DACH2: variants seen among roughly 807,000 people sequenced by gnomAD.
DACH2 encodes dachshund homolog 2.
In DACH2, 17 loss-of-function variants were observed where a neutral mutation model predicts 35.8. The observed-to-expected ratio is 0.48, with a 90% CI of 0.33 to 0.71. DACH2 has a LOEUF of 0.71. Among genes scored for constraint, DACH2 ranks in the 30% least tolerant of loss-of-function variants. The pLI is 0.02. For synonymous variants in DACH2, 195 were observed against 177.3 expected, an observed-to-expected ratio of 1.10 and a Z score of -0.79; for missense variants, 469 against 472.7, an observed-to-expected ratio of 0.99 and a Z score of 0.07.
At chrX:86,480,824 C>T (rs2037925439) in intron 2 of DACH2, among the ~76,000 whole-genome samples, 1 of 111,759 alleles carries the variant, frequency 8.9e-6, no homozygotes, top group Non-Finnish European at 1.9e-5. Flanking sequence ...TATCATATGG[C>T]AGTAGAATAT....
chrX:86,396,416 G>T lies in DACH2; in HGVS notation c.527+19554G>T, dbSNP rs368712659. ...AATTAGATCCCATTTGTCAATTTTG[G>T]CTTTTGTTGCCATTGCTTTTGGTGT... On this transcript the variant is annotated intron_variant, in intron 2 of 11. Coordinates refer to ENST00000373125, the MANE Select transcript of DACH2 (RefSeq NM_053281.3). Among the ~76,000 whole-genome samples, 184 of 95,395 alleles carry T rather than the reference G, an allele frequency of 1.9e-3. 6 individuals are homozygous for T. The East Asian group carries it at 0.035, about 18-fold the overall frequency. 82.8% of individuals were successfully genotyped at this position (95,395 alleles called of 115,157 possible). A position where few individuals can be genotyped will look rare whatever the true frequency, so the allele number is the denominator to read the frequency against.
chrX:86,528,106 G>C, intron 3 of DACH2, among the ~76,000 whole-genome samples: 1 of 111,549 alleles, frequency 9.0e-6, no homozygotes, highest in African/African-American at 3.3e-5. Context: ...CAGCGTCATG[G>C]ACCTTGATGT....
At chrX:86,581,267 A>G (rs2039497132) in intron 3 of DACH2, among the ~76,000 whole-genome samples, 1 of 111,940 alleles carries the variant, frequency 8.9e-6, no homozygotes, top group African/African-American at 3.2e-5. Context: ...AACCACCTCA[A>G]AAACACACCT....
intron 3 of DACH2, among the ~76,000 whole-genome samples, chrX:86,594,817 A>G (rs781123104): frequency 7.2e-5 from 8 of 111,844 alleles, no homozygotes; most frequent in Admixed American, 1.9e-4. Flanking sequence ...ATTCAGTTTA[A>G]TTCTGTCCTA....
At chrX:86,813,106 A>T in intron 8 of DACH2, 24 bp from the exon 9 acceptor site, 1 of 1,197,933 alleles carries the variant, frequency 8.3e-7, no homozygotes, top group Non-Finnish European at 1.1e-6. Context: ...GATGAACTGC[A>T]TGTCATTTCC....
chrX:86,401,697 T>A (rs147622406), intron 2 of DACH2, among the ~76,000 whole-genome samples: 1,232 of 105,663 alleles, frequency 0.012, 26 homozygotes, highest in African/African-American at 0.041. Flanking sequence ...TGAAAGGTAG[T>A]TAAACAAGTG....
At chrX:86,643,088 A>T (rs956130015) in intron 3 of DACH2, among the ~76,000 whole-genome samples, 1 of 110,103 alleles carries the variant, frequency 9.1e-6, no homozygotes, top group African/African-American at 3.3e-5. Flanking sequence ...CTAGCAAAAG[A>T]TGAGAAATAA....
chrX:86,158,237 A>C (rs962774443), intron 1 of DACH2, among the ~76,000 whole-genome samples: 13 of 111,326 alleles, frequency 1.2e-4, no homozygotes, highest in Non-Finnish European at 2.1e-4. Flanking sequence ...TTTAATTACC[A>C]AACCGCAAGT....
At chrX:86,176,881 T>C (rs980682359) in intron 1 of DACH2, among the ~76,000 whole-genome samples, 1 of 112,160 alleles carries the variant, frequency 8.9e-6, no homozygotes, top group Non-Finnish European at 1.9e-5. Flanking sequence ...ATACTGGCAA[T>C]GTTATTGGTG....
At chrX:86,520,104 T>C (rs946232386) in intron 3 of DACH2, among the ~76,000 whole-genome samples, 1 of 111,804 alleles carries the variant, frequency 8.9e-6, no homozygotes, top group Non-Finnish European at 1.9e-5. Context: ...GTGTGTTGTG[T>C]CTTTGTTCTC....
intron 3 of DACH2, among the ~76,000 whole-genome samples, chrX:86,624,501 C>A (rs1013870516): frequency 5.4e-5 from 6 of 111,588 alleles, no homozygotes; most frequent in Non-Finnish European, 7.5e-5. Context: ...GGATCACAAA[C>A]AGAAGGAATG....
chrX:86,395,519 T>A (rs1377429012), intron 2 of DACH2, among the ~76,000 whole-genome samples: 1 of 111,114 alleles, frequency 9.0e-6, no homozygotes, highest in Non-Finnish European at 1.9e-5. Flanking sequence ...ATATATCTCC[T>A]AATGCTATCC....
chrX:86,194,177 G>A (rs1015006275), intron 1 of DACH2, among the ~76,000 whole-genome samples: 2 of 111,558 alleles, frequency 1.8e-5, no homozygotes, highest in Non-Finnish European at 1.9e-5. Context: ...ACATTGACAT[G>A]TTTGTTGCAA....
chrX:86,718,583 T>C (rs1219818844), intron 6 of DACH2, among the ~76,000 whole-genome samples: 2 of 111,919 alleles, frequency 1.8e-5, no homozygotes, highest in Non-Finnish European at 3.8e-5. Flanking sequence ...TTTCCTTAGG[T>C]ATTTTTATAG....
chrX:86,606,795 T>A (rs768605541), intron 3 of DACH2, among the ~76,000 whole-genome samples: 51 of 111,970 alleles, frequency 4.6e-4, no homozygotes, highest in Middle Eastern at 4.6e-3. Flanking sequence ...AGTGGGGTGT[T>A]AAAGTCTCCA....
At chrX:86,604,695 G>A (rs1273092265) in intron 3 of DACH2, among the ~76,000 whole-genome samples, 1 of 111,405 alleles carries the variant, frequency 9.0e-6, no homozygotes. Flanking sequence ...AAAATAGGAA[G>A]ATTATCTTGG....
intron 4 of DACH2, among the ~76,000 whole-genome samples, chrX:86,693,993 T>TAA (rs11442213): frequency 1.6e-3 from 177 of 108,180 alleles, no homozygotes; most frequent in Middle Eastern, 4.8e-3. Context: ...TTTTCTACAT[T>TAA]AAAAAAAACA....
At chrX:86,782,095 G>A (rs1262916034) in intron 7 of DACH2, among the ~76,000 whole-genome samples, 1 of 111,729 alleles carries the variant, frequency 9.0e-6, no homozygotes, top group Non-Finnish European at 1.9e-5. Flanking sequence ...TATCACAATA[G>A]TGACACATAA....
chrX:86,699,478 G>A (rs1370258963), intron 5 of DACH2, among the ~76,000 whole-genome samples: 2 of 111,221 alleles, frequency 1.8e-5, no homozygotes, highest in African/African-American at 6.5e-5. Flanking sequence ...CCAAGTGAAG[G>A]GGCTTATCCT....
Sources: gnomAD v4.1 joint callset for allele counts (sites outside exome capture counted in the v4.1 genomes callset) on GRCh38, gnomAD v4.1.1 for gene constraint, MANE v1.5 for transcripts, NCBI Gene and HGNC (gene_info 2026-07-23, HGNC 2026-07-21) for gene names.